Variants in SULF1 observed in about 807,000 individuals in gnomAD.
SULF1 encodes extracellular sulfatase Sulf-1.
In SULF1, 46 loss-of-function variants were observed where a neutral mutation model predicts 110.5. The ratio of observed to expected loss-of-function variants is 0.42; its 90% CI spans 0.33 to 0.53. The LOEUF is 0.53. SULF1 is among the 20% of genes least tolerant of loss of function. The pLI, the probability that SULF1 is intolerant of heterozygous loss-of-function variation, is 0.12. For missense variants in SULF1, 941 were observed against 1,094.2 expected (o/e 0.86, Z 1.98); for synonymous variants, 371 against 387.1 (o/e 0.96, Z 0.49).
chr8:69,572,139 T>TTCTC (rs1805277884), intron 5 of SULF1, among the ~76,000 whole-genome samples: 1 of 152,186 alleles, frequency 6.6e-6, no homozygotes, highest in Non-Finnish European at 1.5e-5. Flanking sequence ...AATCAAAAGA[T>TTCTC]GAGAGTGCAG....
intron 3 of SULF1, among the ~76,000 whole-genome samples, chr8:69,508,255 G>A (rs2380553): frequency 0.03 from 4,610 of 152,052 alleles, 227 homozygotes; most frequent in African/African-American, 0.11. Context: ...ATAGGCATGC[G>A]CCACCACGCC....
chr8:69,507,775 A>G (rs1385729395), intron 3 of SULF1, among the ~76,000 whole-genome samples: 2 of 152,236 alleles, frequency 1.3e-5, no homozygotes, highest in Non-Finnish European at 2.9e-5. Context: ...GTGTACGAAC[A>G]TATTGAGATA....
intron 22 of SULF1, among the ~76,000 whole-genome samples, chr8:69,654,706 A>G (rs1490413763): frequency 6.6e-6 from 1 of 152,190 alleles, no homozygotes; most frequent in Non-Finnish European, 1.5e-5. Context: ...ATCCTCCTGC[A>G]AAGCAGAGAA....
chr8:69,625,860 T>C lies in SULF1; in HGVS notation c.1851-1350T>C, dbSNP rs1202061232. On this transcript the variant is annotated intron_variant, in intron 15 of 22. Transcript: ENST00000402687. ...TTATCTGGCCCCACCCACATCCTGC[T>C]GATTGGTAGAGCGGAGTGGCCTGTT... is the stretch of plus-strand genomic sequence containing the variant. The C allele has an allele frequency of 1.3e-5, 2 of 152,390 alleles. 1 individual carries two copies. Among genetic ancestry groups the C allele is most frequent in the Non-Finnish European group, 2.9e-5 (2 of 68,160 alleles). The allele number at this position is 152,390 out of a possible 1,614,324, so 9.4% of individuals were successfully genotyped here. A position where few individuals can be genotyped will look rare whatever the true frequency, so the allele number is the denominator to read the frequency against.
At chr8:69,549,575 G>C (rs1283892947) in intron 3 of SULF1, among the ~76,000 whole-genome samples, 1 of 151,860 alleles carries the variant, frequency 6.6e-6, no homozygotes, top group Admixed American at 6.6e-5. Context: ...TGCTGGGGGT[G>C]GGTTGGGAGG....
chr8:69,660,411 C>A lies in SULF1; in HGVS notation c.*1876C>A, dbSNP rs767165239. ...ATAGTTCAAAATTGCTTTTGAAAATCTGTATTCTTGAAAATATCCTTGTTG... is the reference window on the plus strand; with the variant it reads ...ATAGTTCAAAATTGCTTTTGAAAATATGTATTCTTGAAAATATCCTTGTTG... On this transcript the variant is annotated 3_prime_UTR_variant, in exon 23 of 23. Transcript: ENST00000402687. The A allele has an allele frequency of 2.6e-4, 40 of 152,494 alleles. No individual in the cohort carries two copies. Among genetic ancestry groups the A allele is most frequent in the African/African-American group, 9.4e-4 (39 of 41,448 alleles). 9.4% of individuals were successfully genotyped at this position (152,494 alleles called of 1,614,324 possible).
intron 22 of SULF1, among the ~76,000 whole-genome samples, chr8:69,644,118 C>G (rs963334080): frequency 1.3e-5 from 2 of 152,208 alleles, no homozygotes; most frequent in Non-Finnish European, 2.9e-5. Context: ...AGCAGCCACG[C>G]TGTAACCACA....
At chr8:69,557,253 T>C (rs772660661) in intron 3 of SULF1, among the ~76,000 whole-genome samples, 19 of 152,214 alleles carry the variant, frequency 1.2e-4, no homozygotes, top group Non-Finnish European at 2.4e-4. Context: ...TGGACCACAA[T>C]TGGTCACCAA....
chr8:69,589,436 G>A (rs1280760218), intron 8 of SULF1, among the ~76,000 whole-genome samples: 1 of 152,188 alleles, frequency 6.6e-6, no homozygotes, highest in Non-Finnish European at 1.5e-5. Flanking sequence ...GTTTCCTTTC[G>A]TTGTCTTAAA....
chr8:69,556,561 C>G (rs960605324), intron 3 of SULF1, among the ~76,000 whole-genome samples: 1 of 152,166 alleles, frequency 6.6e-6, no homozygotes, highest in Non-Finnish European at 1.5e-5. Context: ...TTGCAACAAA[C>G]TACTTCTGCT....
At chr8:69,585,762 C>T (rs1164743768) in intron 6 of SULF1, among the ~76,000 whole-genome samples, 2 of 152,100 alleles carry the variant, frequency 1.3e-5, no homozygotes, top group East Asian at 1.9e-4. Flanking sequence ...TCATAAAATA[C>T]ACATAACATA....
At chr8:69,500,407 T>C (rs1448938414) in intron 2 of SULF1, among the ~76,000 whole-genome samples, 1 of 152,176 alleles carries the variant, frequency 6.6e-6, no homozygotes, top group South Asian at 2.1e-4. Flanking sequence ...TGCCATAGCC[T>C]GGTATTCCGG....
chr8:69,559,241 G>A (rs1018748771), intron 3 of SULF1, among the ~76,000 whole-genome samples: 2 of 152,178 alleles, frequency 1.3e-5, no homozygotes, highest in East Asian at 3.9e-4. Flanking sequence ...GAAATCTGAA[G>A]CCATATCAAT....
At chr8:69,529,339 A>G (rs1357672907) in intron 3 of SULF1, among the ~76,000 whole-genome samples, 1 of 152,190 alleles carries the variant, frequency 6.6e-6, no homozygotes, top group East Asian at 1.9e-4. Flanking sequence ...TCTACTCTCT[A>G]TTCTTATGAA....
intron 3 of SULF1, among the ~76,000 whole-genome samples, chr8:69,543,919 G>C (rs1293013445): frequency 6.6e-6 from 1 of 152,160 alleles, no homozygotes; most frequent in Non-Finnish European, 1.5e-5. Flanking sequence ...ACTGTGAGTG[G>C]CCTCATCTGC....
At chr8:69,593,024 G>A (rs767086070) in intron 8 of SULF1, 19 of 909,100 alleles carry the variant, frequency 2.1e-5, no homozygotes, top group Non-Finnish European at 2.5e-5. Flanking sequence ...CACAGGAAAT[G>A]AAAATTCATG....
At chr8:69,528,938 G>C (rs1812888594) in intron 3 of SULF1, among the ~76,000 whole-genome samples, 1 of 152,136 alleles carries the variant, frequency 6.6e-6, no homozygotes, top group South Asian at 2.1e-4. Context: ...AACTATAGCA[G>C]AGTTAAAATG....
intron 1 of SULF1, among the ~76,000 whole-genome samples, chr8:69,469,696 G>A (rs1809003247): frequency 6.6e-6 from 1 of 152,202 alleles, no homozygotes; most frequent in Non-Finnish European, 1.5e-5. Flanking sequence ...CATATTGGAA[G>A]GGTTAGAGGT....
intron 19 of SULF1, 190 bp from the exon 20 acceptor site, chr8:69,638,312 T>A: frequency 1.5e-6 from 1 of 658,676 alleles, no homozygotes; most frequent in Non-Finnish European, 2.5e-6. Context: ...TTTTCCCATT[T>A]TCACCTAGTT....
Sources: gnomAD v4.1 joint callset for allele counts (sites outside exome capture counted in the v4.1 genomes callset) on GRCh38, gnomAD v4.1.1 for gene constraint, MANE v1.5 for transcripts, NCBI Gene and HGNC (gene_info 2026-07-23, HGNC 2026-07-21) for gene names.